Variants in PGM5 observed in about 807,000 individuals in gnomAD.
PGM5 encodes phosphoglucomutase-like protein 5.
PGM5 carries 23 observed loss-of-function variants against 59.2 expected under a neutral mutation model. The observed-to-expected ratio is 0.39, with a 90% CI of 0.28 to 0.55. PGM5 has a LOEUF of 0.55. Ranked by LOEUF, PGM5 falls within the 20% of genes least tolerant of loss-of-function variation. The pLI is 0.66. For synonymous variants in PGM5, 214 were observed against 286.0 expected (o/e 0.75, Z 2.54); for missense variants, 574 against 748.3 (o/e 0.77, Z 2.72).
chr9:68,448,217 A>G (rs1823644308), intron 6 of PGM5, among the ~76,000 whole-genome samples: 1 of 152,208 alleles, frequency 6.6e-6, no homozygotes, highest in South Asian at 2.1e-4. Context: ...AGGAGAGGCT[A>G]AAAATCACAG....
chr9:68,497,627 C>T (rs1386902233), intron 9 of PGM5: 2 of 152,024 alleles, frequency 1.3e-5, no homozygotes, highest in African/African-American at 4.8e-5. Context: ...TATATTTTTA[C>T]TAATGGCTTA....
At position 68,527,659 on chromosome 9, in the gene PGM5, A is replaced by G. The variant is rs188926767; in HGVS notation, c.1615-1908A>G. On this transcript the variant is annotated intron_variant, in intron 10 of 10. Coordinates refer to ENST00000396396, the MANE Select transcript of PGM5 (RefSeq NM_021965.4). Reference sequence around the variant, plus strand: ...ATCCCTTCTGTTTTTACGAATCAAGATGATCAACACGGAACCGGAGGAAAG... The same window carrying G: ...ATCCCTTCTGTTTTTACGAATCAAGGTGATCAACACGGAACCGGAGGAAAG... Among the ~76,000 whole-genome samples, 126 of 150,314 alleles carry G rather than the reference A, an allele frequency of 8.4e-4. 1 individual carries two copies. The highest frequency in any genetic ancestry group is 2.8e-3 in the African/African-American group (118 of 41,484).
chr9:68,419,732 A>G (rs1554682227), intron 6 of PGM5, among the ~76,000 whole-genome samples: 1 of 152,160 alleles, frequency 6.6e-6, no homozygotes, highest in East Asian at 1.9e-4. Flanking sequence ...AAGACAGAAT[A>G]ATTTTGTGGT....
chr9:68,416,872 C>T (rs1297554573), intron 6 of PGM5, among the ~76,000 whole-genome samples: 4 of 152,210 alleles, frequency 2.6e-5, no homozygotes, highest in Non-Finnish European at 5.9e-5. Context: ...TGCTGTGGAA[C>T]TCTATTGAGA....
At chr9:68,400,690 A>C (rs1363484531) in intron 6 of PGM5, 1 of 152,612 alleles carries the variant, frequency 6.6e-6, no homozygotes, top group Non-Finnish European at 1.5e-5. Context: ...TCTCCTTTGG[A>C]TATAATAAAA....
intron 9 of PGM5, among the ~76,000 whole-genome samples, chr9:68,487,498 A>ACACACACACAC (rs1564019240): frequency 6.7e-6 from 1 of 149,388 alleles, no homozygotes; most frequent in Non-Finnish European, 1.5e-5. Flanking sequence ...ACACACACAC[A>ACACACACACAC]AATCAGGTGT....
chr9:68,519,901 A>AAATAAATG (rs1824874085), intron 10 of PGM5, among the ~76,000 whole-genome samples: 1 of 123,912 alleles, frequency 8.1e-6, no homozygotes, highest in South Asian at 2.2e-4. Flanking sequence ...TCTTTACAAT[A>AAATAAATG]AATAAATAAA....
intron 6 of PGM5, among the ~76,000 whole-genome samples, chr9:68,409,637 A>G (rs1466089005): frequency 4.3e-5 from 6 of 139,450 alleles, no homozygotes; most frequent in Admixed American, 7.3e-5. Context: ...AAAAAACCAA[A>G]CACCGCATGT....
At chr9:68,453,285 T>C (rs1397191391) in intron 6 of PGM5, among the ~76,000 whole-genome samples, 1 of 152,254 alleles carries the variant, frequency 6.6e-6, no homozygotes, top group Non-Finnish European at 1.5e-5. Context: ...CAACCCTTTG[T>C]ATGTAATTCC....
chr9:68,485,591 C>T (rs573789186), intron 9 of PGM5, among the ~76,000 whole-genome samples: 48 of 152,236 alleles, frequency 3.2e-4, no homozygotes, highest in East Asian at 2.9e-3. Flanking sequence ...ACCTCTTTTC[C>T]GCTATAAATT....
intron 6 of PGM5, among the ~76,000 whole-genome samples, chr9:68,435,115 T>G (rs1336460869): frequency 6.6e-6 from 1 of 152,178 alleles, no homozygotes; most frequent in East Asian, 1.9e-4. Context: ...GCCACCCACT[T>G]AGAGAGGCCT....
At chr9:68,448,280 G>T (rs897751543) in intron 6 of PGM5, among the ~76,000 whole-genome samples, 1 of 152,122 alleles carries the variant, frequency 6.6e-6, no homozygotes, top group African/African-American at 2.4e-5. Flanking sequence ...TCTGGGACAG[G>T]TCTAGCAGTA....
chr9:68,373,185 C>T (rs375293), intron 1 of PGM5, among the ~76,000 whole-genome samples: 1 of 112,236 alleles, frequency 8.9e-6, no homozygotes, highest in East Asian at 2.5e-4. Flanking sequence ...AAGGGACACA[C>T]ATATCTTCAC....
At chr9:68,374,290 G>C (rs538613602) in intron 1 of PGM5, among the ~76,000 whole-genome samples, 60 of 152,320 alleles carry the variant, frequency 3.9e-4, no homozygotes, top group African/African-American at 1.3e-3. Context: ...ATATCAGAAG[G>C]TTCTTCCATA....
intron 10 of PGM5, among the ~76,000 whole-genome samples, chr9:68,499,649 G>A (rs965223699): frequency 6.6e-6 from 1 of 152,174 alleles, no homozygotes; most frequent in South Asian, 2.1e-4. Context: ...TAAAGAAAAA[G>A]CACCTTTTAT....
intron 9 of PGM5, among the ~76,000 whole-genome samples, chr9:68,486,195 T>A (rs1824292709): frequency 6.6e-6 from 1 of 152,224 alleles, no homozygotes; most frequent in Non-Finnish European, 1.5e-5. Flanking sequence ...CAGTGGATAT[T>A]TATTGAGAGC....
At chr9:68,426,616 T>A (rs4744592) in intron 6 of PGM5, among the ~76,000 whole-genome samples, 18,108 of 141,372 alleles carry the variant, frequency 0.13, 1,036 homozygotes, top group Middle Eastern at 0.18. Context: ...CTTTATTATT[T>A]TTTTTTTTTT....
At chr9:68,367,988 A>C (rs1231657514) in intron 1 of PGM5, among the ~76,000 whole-genome samples, 3 of 152,184 alleles carry the variant, frequency 2.0e-5, no homozygotes, top group Non-Finnish European at 4.4e-5. Context: ...ATATATATTT[A>C]TACGTATCTA....
In PGM5 at chr9:68,391,715, T is replaced by C; in HGVS notation, c.879T>C (p.Asp293=). 1 of 1,613,046 alleles carries C rather than the reference T, an allele frequency of 6.2e-7. No individual in the cohort carries two copies. Among genetic ancestry groups the C allele is most frequent in the Non-Finnish European group, 8.5e-7 (1 of 1,179,280 alleles). ...GGEYGFGAAF[D]ADGDRYMILG... ...AATATGGATTTGGAGCTGCATTTGA[T>C]GCTGATGGGGTAAGTAGGAAAGCTG... Residue 293 remains aspartate (D), a synonymous_variant, in exon 5 of 11, where the codon GAT becomes GAC. Coordinates refer to ENST00000396396, the MANE Select transcript of PGM5 (RefSeq NM_021965.4).
Sources: allele counts gnomAD v4.1 joint callset (sites outside exome capture counted in the v4.1 genomes callset), GRCh38; gene constraint gnomAD v4.1.1; transcripts MANE v1.5; gene names NCBI Gene and HGNC (gene_info 2026-07-23, HGNC 2026-07-21).